The following SMIM22 variants were observed in gnomAD, a reference collection of about 807,000 sequenced individuals.
SMIM22 encodes cancer associated small integral membrane open reading frame 1.
A neutral mutation model predicts 8.4 loss-of-function variants in SMIM22; 16 were observed. The observed-to-expected ratio is 1.90, with a 90% CI of 1.29 to 2.89. The LOEUF (loss-of-function observed/expected upper bound fraction) is 2.89, where lower values mean the gene tolerates loss of function less well. Among genes scored for constraint, SMIM22 ranks in the 30% most tolerant of loss-of-function variants. The pLI, the probability that SMIM22 is intolerant of heterozygous loss-of-function variation, is 0.00. For missense variants in SMIM22, 159 were observed against 107.5 expected, an observed-to-expected ratio of 1.48 and a Z score of -2.12; for synonymous variants, 67 against 47.6, an observed-to-expected ratio of 1.41 and a Z score of -1.68.
At chr16:4,794,362 C>T (rs2082599732), upstream of SMIM22, among the ~76,000 whole-genome samples, 1 of 151,982 alleles carries the variant, frequency 6.6e-6, no homozygotes, top group Non-Finnish European at 1.5e-5. Context: ...CTGCCTCGGC[C>T]TCCCAAAGTG....
At chr16:4,793,240 A>G (rs1443439500), upstream of SMIM22, among the ~76,000 whole-genome samples, 1 of 152,158 alleles carries the variant, frequency 6.6e-6, no homozygotes, top group African/African-American at 2.4e-5. Context: ...GAAGCTGGAC[A>G]AGGCAAAAGA....
upstream of SMIM22, among the ~76,000 whole-genome samples, chr16:4,793,890 C>G (rs755465930): frequency 8.5e-5 from 13 of 152,072 alleles, no homozygotes; most frequent in Non-Finnish European, 1.8e-4. Flanking sequence ...GATTCTCCTG[C>G]CTTGGCCTCC....
At chr16:4,794,183 C>T (rs142367461), upstream of SMIM22, among the ~76,000 whole-genome samples, 6,383 of 152,254 alleles carry the variant, frequency 0.042, 120 homozygotes, top group Middle Eastern at 0.061. Flanking sequence ...TCTCGGCTCA[C>T]TGCAATCTCT....
rs187056496 is a variant in SMIM22 at position 4,788,781 on chromosome 16, G to C, written c.-146+10G>C. ...AATCAAGCCCTGTGAAGTAAGTGCTGTTACTACCCCAAGCTGATAGATAAG... is the reference window on the plus strand; with the variant it reads ...AATCAAGCCCTGTGAAGTAAGTGCTCTTACTACCCCAAGCTGATAGATAAG... On this transcript the variant is annotated intron_variant, in intron 2 of 5. Transcript: ENST00000589327. The C allele has an allele frequency of 9.8e-5, 15 of 152,334 alleles. No individual in the cohort carries two copies. In the East Asian group the frequency reaches 2.9e-3, roughly 29 times the overall value. 9.4% of individuals were successfully genotyped at this position (152,334 alleles called of 1,614,324 possible).
chr16:4,791,362 C>T (rs757565203), upstream of SMIM22, among the ~76,000 whole-genome samples: 31 of 152,174 alleles, frequency 2.0e-4, no homozygotes, highest in Non-Finnish European at 4.0e-4. Context: ...TGGAATCACA[C>T]GTCAACACGG....
upstream of SMIM22, among the ~76,000 whole-genome samples, chr16:4,792,174 G>C (rs1202294329): frequency 6.6e-6 from 1 of 152,022 alleles, no homozygotes; most frequent in Admixed American, 6.5e-5. Context: ...TGGAGCAGGG[G>C]CCACAGTTGT....
upstream of SMIM22, among the ~76,000 whole-genome samples, chr16:4,792,423 C>T (rs1005786113): frequency 1.1e-4 from 17 of 151,140 alleles, no homozygotes; most frequent in African/African-American, 3.6e-4. Flanking sequence ...ATCTCCTGAC[C>T]TCGTGATCTG....
chr16:4,791,507 T>G (rs1347753072), upstream of SMIM22, among the ~76,000 whole-genome samples: 1 of 152,176 alleles, frequency 6.6e-6, no homozygotes, highest in Non-Finnish European at 1.5e-5. Context: ...ATACCCATTT[T>G]ACAGATGAGT....
In SMIM22 at chr16:4,796,232, C is replaced by T. The variant is rs1182598052; in HGVS notation, c.*1C>T. 3.3e-6 allele frequency: 5 copies of T among 1,535,614 alleles called. No individual in the cohort carries two copies. The highest frequency in any genetic ancestry group is 1.4e-5 in the African/African-American group (1 of 73,002). On this transcript the variant is annotated 3_prime_UTR_variant, in exon 4 of 4. Transcript: ENST00000586005. ...GGATAACTTGGCCCTGGAACCCTGA[C>T]CCTGTGTCTCCTGCCCGGTGGCAGT... is the stretch of plus-strand genomic sequence containing the variant.
In SMIM22 at chr16:4,795,767, G is replaced by A. The variant is rs775453463; in HGVS notation, c.33G>A (p.Thr11=). MAVSTEELEA[T]VQEVLGRLKS... is the part of the protein sequence containing the mutation. ...TGTCCACAGAGGAGCTGGAGGCCAC[G>A]GTTCAGGAAGTCCTGGGGAGACTGA... Residue 11 remains threonine, a synonymous_variant, in exon 2 of 4, where the codon ACG becomes ACA. Transcript: ENST00000586005. 186 of 1,535,978 alleles carry A rather than the reference G, an allele frequency of 1.2e-4. 1 individual carries two copies. The African/African-American group carries it at 2.0e-3, about 17-fold the overall frequency.
chr16:4,796,181 C>T lies in SMIM22; in HGVS notation c.226-9C>T, dbSNP rs1396738582. On this transcript the variant is annotated splice_polypyrimidine_tract_variant and intron_variant, in intron 3 of 3. Coordinates refer to ENST00000586005, the MANE Select transcript of SMIM22 (RefSeq NM_001253794.2). ...GAACCTGCTTGGTCCCGCTGTGCTT[C>T]TCGTGCAGGAAAGACCCAAGGGAGT... 2 of 1,535,926 alleles carry T rather than the reference C, an allele frequency of 1.3e-6. No homozygotes were observed. Among genetic ancestry groups the T allele is most frequent in the East Asian group, 4.9e-5 (2 of 40,934 alleles).
chr16:4,793,694 G>C (rs559666404), upstream of SMIM22, among the ~76,000 whole-genome samples: 1 of 152,144 alleles, frequency 6.6e-6, no homozygotes. Context: ...ATCTCTATTG[G>C]ACATGTACAG....
chr16:4,792,335 T>C (rs536604187), upstream of SMIM22, among the ~76,000 whole-genome samples: 45 of 151,246 alleles, frequency 3.0e-4, no homozygotes, highest in East Asian at 3.6e-3. Context: ...GGACTACAGG[T>C]GCCCGCCACC....
chr16:4,796,457 C>T lies in SMIM22; in HGVS notation c.*226C>T, dbSNP rs904094148. ...CTCAGGCCGGGCGCGGTGGCTCACA[C>T]CTATAATCCCAGCACTTTGGGAGGC... On this transcript the variant is annotated 3_prime_UTR_variant, in exon 4 of 4. Transcript: ENST00000586005. The T allele has an allele frequency of 1.7e-5, 10 of 575,014 alleles. No individual in the cohort carries two copies. Among genetic ancestry groups the T allele is most frequent in the Non-Finnish European group, 2.8e-5 (9 of 324,466 alleles). The allele number at this position is 575,014 out of a possible 1,614,324, so 35.6% of individuals were successfully genotyped here.
In SMIM22 at chr16:4,796,249, G is replaced by A. The variant is rs941937688; in HGVS notation, c.*18G>A. ...AACCCTGACCCTGTGTCTCCTGCCC[G>A]GTGGCAGTAACAAAGCCTTCTGTCT... On this transcript the variant is annotated 3_prime_UTR_variant, in exon 4 of 4. Transcript: ENST00000586005. 19 of 1,535,094 alleles carry A rather than the reference G, an allele frequency of 1.2e-5. No homozygotes were observed. Among genetic ancestry groups the A allele is most frequent in the Admixed American group, 3.9e-5 (2 of 50,898 alleles).
At chr16:4,790,831 G>A (rs2082540038), upstream of SMIM22, among the ~76,000 whole-genome samples, 1 of 152,170 alleles carries the variant, frequency 6.6e-6, no homozygotes, top group Non-Finnish European at 1.5e-5. Flanking sequence ...AATAAATAAA[G>A]GCTTAGAGGT....
chr16:4,790,407 T>A (rs1000663083), upstream of SMIM22, among the ~76,000 whole-genome samples: 2 of 152,220 alleles, frequency 1.3e-5, no homozygotes, highest in African/African-American at 4.8e-5. Context: ...CCAGGCCGAC[T>A]TCTGCCCTTT....
upstream of SMIM22, among the ~76,000 whole-genome samples, chr16:4,794,359 G>A (rs1305448658): frequency 1.3e-5 from 2 of 151,316 alleles, no homozygotes; most frequent in East Asian, 1.9e-4. Context: ...CGCCTGCCTC[G>A]GCCTCCCAAA....
chr16:4,796,099 G>A (rs2082639908), intron 3 of SMIM22, 51 bp downstream of exon 3: 2 of 1,535,578 alleles, frequency 1.3e-6, no homozygotes, highest in Non-Finnish European at 8.7e-7. Context: ...TGGGGGTGGA[G>A]GCGGAAGGTG....
Sources: allele counts gnomAD v4.1 joint callset (sites outside exome capture counted in the v4.1 genomes callset), GRCh38; gene constraint gnomAD v4.1.1; transcripts MANE v1.5; gene names NCBI Gene and HGNC (gene_info 2026-07-23, HGNC 2026-07-21).